KCNIP4: variants seen among roughly 807,000 people sequenced by gnomAD.
The protein encoded by KCNIP4 is potassium voltage-gated channel interacting protein 4, also known as Kv channel-interacting protein 4.
KCNIP4 carries 12 observed loss-of-function variants against 34.0 expected under a neutral mutation model. The ratio of observed to expected loss-of-function variants is 0.35; its 90% CI spans 0.23 to 0.57. The LOEUF is 0.57. Ranked by LOEUF, KCNIP4 falls within the 20% of genes least tolerant of loss-of-function variation. The pLI is 0.83. For synonymous variants in KCNIP4, 124 were observed against 102.2 expected (o/e 1.21, Z -1.29); for missense variants, 238 against 311.7 (o/e 0.76, Z 1.78).
At chr4:21,661,762 T>C (rs1398698451) in intron 1 of KCNIP4, among the ~76,000 whole-genome samples, 1 of 152,174 alleles carries the variant, frequency 6.6e-6, no homozygotes, top group African/African-American at 2.4e-5. Context: ...ATAGGTTCTT[T>C]TATCCCTTCA....
chr4:21,415,537 C>CAA (rs77356407), intron 1 of KCNIP4, among the ~76,000 whole-genome samples: 7 of 128,442 alleles, frequency 5.4e-5, no homozygotes, highest in East Asian at 2.2e-4. Flanking sequence ...ACTAAAATTA[C>CAA]AAAAAAAAAA....
At chr4:21,485,620 G>T (rs1731832837) in intron 1 of KCNIP4, among the ~76,000 whole-genome samples, 1 of 152,146 alleles carries the variant, frequency 6.6e-6, no homozygotes, top group South Asian at 2.1e-4. Flanking sequence ...TCAAGTCTCA[G>T]CTTAAAAGCC....
At chr4:21,012,521 C>T (rs1438021539) in intron 1 of KCNIP4, among the ~76,000 whole-genome samples, 3 of 152,206 alleles carry the variant, frequency 2.0e-5, no homozygotes, top group African/African-American at 7.2e-5. Flanking sequence ...AAGCAGTGAT[C>T]ATGCCACTGC....
At chr4:20,877,230 T>C (rs1724143757) in intron 2 of KCNIP4, among the ~76,000 whole-genome samples, 2 of 152,182 alleles carry the variant, frequency 1.3e-5, no homozygotes. Context: ...TTTTTATTGT[T>C]ACAGCTATAG....
Position 21,194,988 on chromosome 4 carries a change from A to G in KCNIP4, c.62-312279T>C, listed in dbSNP as rs1018463041. ...CTACTATTCTAATGATGTCCTGTGA[A>G]TCCTGACCCATGGGTTAGATCTCAG... is the stretch of plus-strand genomic sequence containing the variant. On this transcript the variant is annotated intron_variant, in intron 1 of 8. Coordinates refer to ENST00000382152, the MANE Select transcript of KCNIP4 (RefSeq NM_025221.6). 5.9e-5 allele frequency among the ~76,000 whole-genome samples: 9 copies of G among 152,170 alleles called. No individual in the cohort carries two copies. The East Asian group carries it at 1.7e-3, about 29-fold the overall frequency.
intron 1 of KCNIP4, among the ~76,000 whole-genome samples, chr4:21,709,287 A>G (rs968087890): frequency 8.5e-5 from 13 of 152,228 alleles, no homozygotes; most frequent in African/African-American, 3.1e-4. Context: ...TTGAGTTTCT[A>G]CTTACCAGGT....
intron 1 of KCNIP4, among the ~76,000 whole-genome samples, chr4:21,146,938 A>G (rs1250721892): frequency 1.3e-5 from 2 of 152,110 alleles, no homozygotes; most frequent in Non-Finnish European, 2.9e-5. Context: ...TAAGTATATT[A>G]GATGTACCTT....
intron 1 of KCNIP4, among the ~76,000 whole-genome samples, chr4:21,354,562 T>A (rs1228417384): frequency 6.6e-6 from 1 of 152,168 alleles, no homozygotes; most frequent in Non-Finnish European, 1.5e-5. Context: ...GGCCATTAAA[T>A]AATGGTAAAG....
At chr4:21,184,789 T>C (rs896751513) in intron 1 of KCNIP4, among the ~76,000 whole-genome samples, 2 of 152,176 alleles carry the variant, frequency 1.3e-5, no homozygotes, top group African/African-American at 4.8e-5. Flanking sequence ...GTGGTGATTC[T>C]TGGTGTTGTC....
At chr4:21,687,186 G>A (rs1750869135) in intron 1 of KCNIP4, among the ~76,000 whole-genome samples, 1 of 109,880 alleles carries the variant, frequency 9.1e-6, no homozygotes, top group Non-Finnish European at 1.8e-5. Flanking sequence ...GGGGGAGGGG[G>A]GAGGGATAGC....
At chr4:20,959,055 G>A (rs535458421) in intron 1 of KCNIP4, among the ~76,000 whole-genome samples, 2 of 152,192 alleles carry the variant, frequency 1.3e-5, no homozygotes, top group South Asian at 2.1e-4. Flanking sequence ...AGATGGAAAA[G>A]GTTCCATTTA....
At chr4:21,262,671 C>CA (rs1428484208) in intron 1 of KCNIP4, among the ~76,000 whole-genome samples, 1 of 152,152 alleles carries the variant, frequency 6.6e-6, no homozygotes, top group African/African-American at 2.4e-5. Context: ...TCTCTGGGAG[C>CA]AATTTCTAAT....
chr4:21,562,756 C>T (rs1400286632), intron 1 of KCNIP4, among the ~76,000 whole-genome samples: 1 of 151,870 alleles, frequency 6.6e-6, no homozygotes, highest in Non-Finnish European at 1.5e-5. Flanking sequence ...GAAAATTTGT[C>T]CACACGCAGG....
chr4:21,202,838 A>T lies in KCNIP4; in HGVS notation c.62-320129T>A, dbSNP rs193104507. On this transcript the variant is annotated intron_variant, in intron 1 of 8. Coordinates refer to ENST00000382152, the MANE Select transcript of KCNIP4 (RefSeq NM_025221.6). ...GTCACTCAATAGAAAACAAAGAGAC[A>T]GAATCTACAAGGGCTACTAGGCCCA... Among the ~76,000 whole-genome samples, 182 of 152,308 alleles carry T rather than the reference A, an allele frequency of 1.2e-3. 1 individual carries two copies. The highest frequency in any genetic ancestry group is 3.9e-3 in the African/African-American group (163 of 41,584).
chr4:21,277,684 A>G (rs1180177113), intron 1 of KCNIP4, among the ~76,000 whole-genome samples: 1 of 152,266 alleles, frequency 6.6e-6, no homozygotes, highest in African/African-American at 2.4e-5. Context: ...AAGAGACTCA[A>G]TATCTGACTA....
In KCNIP4 at chr4:21,643,870, TGATAGATAGATAGATA is replaced by T. The variant is rs5856654; in HGVS notation, c.61+304685_61+304700del. ...GATGATAGATAGGTGATGATGATGA[TGATAGATAGATAGATA>T]GATAGATAGATAGATAGATAGATAG... On this transcript the variant is annotated intron_variant, in intron 1 of 8. Coordinates refer to ENST00000382152, the MANE Select transcript of KCNIP4 (RefSeq NM_025221.6). Among the ~76,000 whole-genome samples the T allele has an allele frequency of 8.1e-4, 87 of 107,794 alleles. 1 individual carries two copies. Among genetic ancestry groups the T allele is most frequent in the African/African-American group, 3.1e-3 (78 of 25,546 alleles). The allele number at this position is 107,794 out of a possible 152,430, so 70.7% of individuals were successfully genotyped here.
intron 2 of KCNIP4, among the ~76,000 whole-genome samples, chr4:20,867,621 A>C (rs1357470703): frequency 6.6e-6 from 1 of 152,056 alleles, no homozygotes; most frequent in Non-Finnish European, 1.5e-5. Context: ...GTGGCAAATA[A>C]TTTTTGGCTA....
intron 3 of KCNIP4, among the ~76,000 whole-genome samples, chr4:20,832,870 C>T (rs1004669813): frequency 1.3e-5 from 2 of 152,104 alleles, no homozygotes; most frequent in Non-Finnish European, 1.5e-5. Flanking sequence ...TCTGGAGTAA[C>T]ATTATCTGCT....
intron 1 of KCNIP4, among the ~76,000 whole-genome samples, chr4:20,926,668 T>G (rs1056061294): frequency 6.6e-6 from 1 of 152,232 alleles, no homozygotes; most frequent in African/African-American, 2.4e-5. Flanking sequence ...CAGAATTGAA[T>G]GTTTTGAGAT....
Sources: allele counts gnomAD v4.1 joint callset (sites outside exome capture counted in the v4.1 genomes callset), GRCh38; gene constraint gnomAD v4.1.1; transcripts MANE v1.5; gene names NCBI Gene and HGNC (gene_info 2026-07-23, HGNC 2026-07-21).